The following COL4A1 variants were observed in gnomAD, a reference collection of about 807,000 sequenced individuals.
COL4A1 encodes collagen type IV alpha 1 chain.
COL4A1 carries 40 observed loss-of-function variants against 216.6 expected under a neutral mutation model. The ratio of observed to expected loss-of-function variants is 0.18; its 90% CI spans 0.14 to 0.24. The LOEUF (loss-of-function observed/expected upper bound fraction) is 0.24. COL4A1 is among the 10% of genes least tolerant of loss of function. The probability of loss-of-function intolerance (pLI) is 1.00; values close to 1 mark genes in which losing one functional copy is unlikely to be tolerated. For synonymous variants in COL4A1, 839 were observed against 810.7 expected (o/e 1.03, Z -0.59); for missense variants, 1,628 against 2,196.8 (o/e 0.74, Z 5.18).
At chr13:110,156,471 C>A (rs1714558687) in intron 49 of COL4A1, among the ~76,000 whole-genome samples, 1 of 152,192 alleles carries the variant, frequency 6.6e-6, no homozygotes, top group Non-Finnish European at 1.5e-5. Context: ...GCCCTCTTGG[C>A]TCAGATGTCC....
At chr13:110,293,063 CA>C (rs1440599992) in intron 1 of COL4A1, among the ~76,000 whole-genome samples, 7 of 152,202 alleles carry the variant, frequency 4.6e-5, no homozygotes, top group Admixed American at 1.3e-4. Context: ...AAAGTGCAGT[CA>C]CTCTCTTTCA....
chr13:110,223,072 A>AT, intron 2 of COL4A1, among the ~76,000 whole-genome samples: 1 of 152,214 alleles, frequency 6.6e-6, no homozygotes, highest in Non-Finnish European at 1.5e-5. Flanking sequence ...TCTGGATAGC[A>AT]TTTTCACATC....
chr13:110,207,017 G>A lies in COL4A1; in HGVS notation c.781-126C>T. On this transcript the variant is annotated intron_variant, in intron 13 of 51. Transcript: ENST00000375820. This position sits in a 1 kb window ranked among gnomAD's most constrained non-coding sequence, Gnocchi z 4.4. ...ATATATTAACAAAGAAATTCATGTT[G>A]ATCTCCAGCACTCACTTGACATTGA... 1.0e-6 allele frequency: 1 copy of A among 981,854 alleles called. No individual in the cohort carries two copies. Among genetic ancestry groups the A allele is most frequent in the Non-Finnish European group, 1.6e-6 (1 of 633,926 alleles). The allele number at this position is 981,854 out of a possible 1,614,324, so 60.8% of individuals were successfully genotyped here.
intron 1 of COL4A1, among the ~76,000 whole-genome samples, chr13:110,280,932 C>T (rs914527853): frequency 1.3e-5 from 2 of 152,084 alleles, no homozygotes; most frequent in African/African-American, 4.8e-5. Context: ...CTACTTAGAT[C>T]GCCGTATTAT....
At chr13:110,203,428 A>C in intron 18 of COL4A1, 138 bp downstream of exon 18, 26 of 827,250 alleles carry the variant, frequency 3.1e-5, no homozygotes, top group Non-Finnish European at 4.8e-5. Context: ...TGTGCCCTGC[A>C]TCTCCTCTCC....
At chr13:110,219,569 G>A (rs1880269401) in intron 2 of COL4A1, among the ~76,000 whole-genome samples, 2 of 150,910 alleles carry the variant, frequency 1.3e-5, no homozygotes, top group African/African-American at 4.9e-5. Context: ...GTGGGTATAC[G>A]CAAGAGCTTG....
rs779678141 is a variant in COL4A1 at position 110,203,654 on chromosome 13, T to C, written c.958-47A>G. ...TCCTTGCATATTCTTACTATAAAGATTGTCTTGCAGAAAGCAGATTAAACA... is the reference window on the plus strand; with the variant it reads ...TCCTTGCATATTCTTACTATAAAGACTGTCTTGCAGAAAGCAGATTAAACA... On this transcript the variant is annotated intron_variant, in intron 17 of 51. Transcript: ENST00000375820. 19 of 1,601,106 alleles carry C rather than the reference T, an allele frequency of 1.2e-5. No homozygotes were observed. The Middle Eastern group carries it at 4.9e-4, about 42-fold the overall frequency.
At chr13:110,203,739 T>G in intron 17 of COL4A1, 132 bp from the exon 18 acceptor site, 1 of 882,366 alleles carries the variant, frequency 1.1e-6, no homozygotes, top group Non-Finnish European at 1.9e-6. Flanking sequence ...CTCTCTTTAA[T>G]ATCTCTCATT....
chr13:110,163,545 C>T lies in COL4A1; in HGVS notation c.4167G>A (p.Val1389=), dbSNP rs182728431. 4 of 1,614,010 alleles carry T rather than the reference C, an allele frequency of 2.5e-6. No individual in the cohort carries two copies. Among genetic ancestry groups the T allele is most frequent in the Admixed American group, 3.3e-5 (2 of 60,016 alleles). The change falls in exon 47 of 52, where the codon GTG becomes GTA. Residue 1389 remains valine (V), a synonymous_variant. Coordinates refer to ENST00000375820, the MANE Select transcript of COL4A1 (RefSeq NM_001845.6). The part of the protein sequence containing the change: ...PKGQQGVTGL[V]GIPGPPGIPG... ...GAATACCTGGAGGTCCAGGTATACC[C>T]ACCAATCCTGTAACACCTGAGGCAG...
chr13:110,240,537 G>A (rs1293433943), intron 2 of COL4A1, among the ~76,000 whole-genome samples: 3 of 152,256 alleles, frequency 2.0e-5, no homozygotes, highest in Admixed American at 6.5e-5. Flanking sequence ...CAAGCCCCAC[G>A]CAGGCTCCAA....
intron 1 of COL4A1, among the ~76,000 whole-genome samples, chr13:110,284,317 T>C (rs1405736180): frequency 6.6e-6 from 1 of 152,178 alleles, no homozygotes; most frequent in African/African-American, 2.4e-5. Flanking sequence ...GCCACAAGCA[T>C]CTCTCTAACA....
At chr13:110,186,594 C>T (rs1437694314) in intron 25 of COL4A1, 41 bp from the exon 26 acceptor site, 12 of 1,610,126 alleles carry the variant, frequency 7.5e-6, no homozygotes, top group Non-Finnish European at 1.0e-5. Context: ...ATCAGAGACA[C>T]ACCAACACCC....
chr13:110,170,796 G>T, intron 41 of COL4A1, 64 bp from the exon 42 acceptor site: 1 of 1,566,058 alleles, frequency 6.4e-7, no homozygotes. Context: ...TCTCCAGCGT[G>T]GACGGCAGAG....
chr13:110,166,455 CCATA>C (rs1877340638), intron 44 of COL4A1, 152 bp from the exon 45 acceptor site: 2 of 712,208 alleles, frequency 2.8e-6, no homozygotes, highest in South Asian at 3.0e-5. Flanking sequence ...ATATGCATAC[CCATA>C]TATACACATT....
Position 110,211,990 on chromosome 13 carries a change from T to C in COL4A1, c.388-68A>G. 1.4e-6 allele frequency: 2 copies of C among 1,407,020 alleles called. No individual in the cohort carries two copies. Among genetic ancestry groups the C allele is most frequent in the African/African-American group, 1.4e-5 (1 of 70,996 alleles). The allele number at this position is 1,407,020 out of a possible 1,614,324, so 87.2% of individuals were successfully genotyped here. ...CAGACACATCAGCCCTGACATCGCA[T>C]GCATCACTCTGCCCTACCCTTCATT... On this transcript the variant is annotated intron_variant, in intron 6 of 51. Coordinates refer to ENST00000375820, the MANE Select transcript of COL4A1 (RefSeq NM_001845.6). This position sits in a 1 kb window ranked among gnomAD's most constrained non-coding sequence, Gnocchi z 4.3.
chr13:110,280,962 T>G (rs1163702983), intron 1 of COL4A1, among the ~76,000 whole-genome samples: 3 of 152,264 alleles, frequency 2.0e-5, no homozygotes, highest in African/African-American at 7.2e-5. Context: ...GCTTCAGGAG[T>G]GATCCAATTC....
intron 36 of COL4A1, 147 bp from the exon 37 acceptor site, chr13:110,175,504 T>A: frequency 7.1e-7 from 1 of 1,400,818 alleles, no homozygotes; most frequent in Non-Finnish European, 9.8e-7. Flanking sequence ...AGAATGCACA[T>A]CCCTCATGTA....
intron 18 of COL4A1, 93 bp from the exon 19 acceptor site, chr13:110,201,615 G>T (rs944195865): frequency 4.5e-6 from 5 of 1,105,062 alleles, no homozygotes; most frequent in Non-Finnish European, 5.6e-6. Flanking sequence ...GTACATATTT[G>T]TTTTTATTTC....
rs566038780 is a variant in COL4A1, at chr13:110,293,173, A to G, written c.84+13771T>C. ...TGGGGGCTGGAGGTTTAGCCCTCCC[A>G]TGCAAATTAGCAAAGTCCCAAAGCT... On this transcript the variant is annotated intron_variant, in intron 1 of 51. Transcript: ENST00000375820. 1.2e-4 allele frequency among the ~76,000 whole-genome samples: 19 copies of G among 152,274 alleles called. 1 individual carries two copies. Among genetic ancestry groups the G allele is most frequent in the Admixed American group, 8.5e-4 (13 of 15,286 alleles).
Sources: allele counts gnomAD v4.1 joint callset (sites outside exome capture counted in the v4.1 genomes callset), GRCh38; gene constraint gnomAD v4.1.1; non-coding constraint Gnocchi (gnomAD v3.1); transcripts MANE v1.5; gene names NCBI Gene and HGNC (gene_info 2026-07-23, HGNC 2026-07-21).